The following ABTB2 variants were observed in gnomAD, a reference collection of about 807,000 sequenced individuals.
ABTB2 encodes the protein ankyrin repeat and BTB/POZ domain-containing protein 2.
A neutral mutation model predicts 104.1 loss-of-function variants in ABTB2; 56 were observed. The ratio of observed to expected loss-of-function variants is 0.54; its 90% CI spans 0.43 to 0.67. The LOEUF (loss-of-function observed/expected upper bound fraction) is 0.67. Among genes scored for constraint, ABTB2 ranks in the 30% least tolerant of loss-of-function variants. The pLI, the probability that ABTB2 is intolerant of heterozygous loss-of-function variation, is 0.00. For missense variants in ABTB2, 1,279 were observed against 1,407.7 expected, an observed-to-expected ratio of 0.91 and a Z score of 1.46; for synonymous variants, 606 against 608.2, an observed-to-expected ratio of 1.00 and a Z score of 0.05.
intron 1 of ABTB2, among the ~76,000 whole-genome samples, chr11:34,292,162 G>A (rs1229799617): frequency 6.6e-6 from 1 of 152,058 alleles, no homozygotes; most frequent in Non-Finnish European, 1.5e-5. Context: ...TAAGTCCCCT[G>A]GATCCAAGGC....
At chr11:34,211,902 CAAA>C (rs1231324201) in intron 1 of ABTB2, among the ~76,000 whole-genome samples, 9 of 58,030 alleles carry the variant, frequency 1.6e-4, no homozygotes, top group African/African-American at 1.9e-4. Flanking sequence ...GACCCTGTCT[CAAA>C]AAAAAAAAAA....
chr11:34,276,149 C>G (rs796405023), intron 1 of ABTB2, among the ~76,000 whole-genome samples: 1 of 150,930 alleles, frequency 6.6e-6, no homozygotes, highest in Non-Finnish European at 1.5e-5. Context: ...ATGATATGCT[C>G]AAATAGAAAA....
At chr11:34,189,642 G>A (rs1219820342) in intron 3 of ABTB2, among the ~76,000 whole-genome samples, 1 of 152,172 alleles carries the variant, frequency 6.6e-6, no homozygotes, top group African/African-American at 2.4e-5. Flanking sequence ...TTTTTAAAGT[G>A]TAGGTCCATT....
At chr11:34,354,340 A>G (rs7927418) in intron 1 of ABTB2, among the ~76,000 whole-genome samples, 20,767 of 151,880 alleles carry the variant, frequency 0.14, 2,455 homozygotes, top group East Asian at 0.36. Context: ...GTCGTGGCTG[A>G]GTGTGGTGGC....
intron 1 of ABTB2, among the ~76,000 whole-genome samples, chr11:34,345,063 G>C (rs377255909): frequency 7.9e-5 from 12 of 152,336 alleles, no homozygotes; most frequent in African/African-American, 2.6e-4. Context: ...ACAATAGAGA[G>C]AGTGACCTTG....
In ABTB2 at chr11:34,160,112, G is replaced by C. The variant is rs564882263; in HGVS notation, c.2504-104C>G. 14 of 1,260,998 alleles carry C rather than the reference G, an allele frequency of 1.1e-5. No individual in the cohort carries two copies. In the East Asian group the frequency reaches 3.3e-4, roughly 30 times the overall value. The allele number at this position is 1,260,998 out of a possible 1,614,324, so 78.1% of individuals were successfully genotyped here. ...TGTCTGGGGTTGGGGGTGGGACACA[G>C]AGGTGAGGAACAGAGAAACTGAGGC... On this transcript the variant is annotated intron_variant, in intron 12 of 16. Transcript: ENST00000435224.
At chr11:34,206,555 T>C (rs1853409905) in intron 1 of ABTB2, among the ~76,000 whole-genome samples, 1 of 152,216 alleles carries the variant, frequency 6.6e-6, no homozygotes, top group African/African-American at 2.4e-5. Flanking sequence ...AACTCCTCTG[T>C]GAGCTCAGAG....
intron 1 of ABTB2, among the ~76,000 whole-genome samples, chr11:34,317,401 G>A (rs767410579): frequency 3.3e-5 from 5 of 152,100 alleles, no homozygotes; most frequent in Admixed American, 3.3e-4. Flanking sequence ...CCTTGATTGC[G>A]CTCTGCCCAC....
intron 1 of ABTB2, among the ~76,000 whole-genome samples, chr11:34,321,467 A>G (rs1855000764): frequency 6.6e-6 from 1 of 152,264 alleles, no homozygotes; most frequent in Non-Finnish European, 1.5e-5. Flanking sequence ...CCTATTAGAG[A>G]CAATATTGCT....
At chr11:34,294,737 A>C (rs1482660401) in intron 1 of ABTB2, among the ~76,000 whole-genome samples, 1 of 149,384 alleles carries the variant, frequency 6.7e-6, no homozygotes, top group Non-Finnish European at 1.5e-5. Context: ...TTTTTTTGAG[A>C]CCGAGTCTCA....
intron 1 of ABTB2, among the ~76,000 whole-genome samples, chr11:34,279,697 G>A (rs889120007): frequency 6.6e-6 from 1 of 151,726 alleles, no homozygotes; most frequent in Non-Finnish European, 1.5e-5. Context: ...GACACATAAA[G>A]ATCTAAACTC....
chr11:34,219,668 A>G lies in ABTB2; in HGVS notation c.884-14978T>C, dbSNP rs764814471. Among the ~76,000 whole-genome samples the G allele has an allele frequency of 2.6e-5, 4 of 152,210 alleles. No individual in the cohort carries two copies. In the South Asian group the frequency reaches 6.2e-4, roughly 24 times the overall value. ...CAGAAATATGTACCATTGTGTTACA[A>G]TTGTCTACAGCATTCAGTACAGTAA... On this transcript the variant is annotated intron_variant, in intron 1 of 16. Coordinates refer to ENST00000435224, the MANE Select transcript of ABTB2 (RefSeq NM_145804.3).
chr11:34,261,496 T>C (rs1590233287), intron 1 of ABTB2, among the ~76,000 whole-genome samples: 1 of 69,118 alleles, frequency 1.4e-5, no homozygotes, highest in Admixed American at 1.1e-4. Flanking sequence ...AAAAAAGTAC[T>C]TTTTTTTTTT....
intron 1 of ABTB2, among the ~76,000 whole-genome samples, chr11:34,270,880 T>A (rs1400959523): frequency 6.6e-6 from 1 of 152,236 alleles, no homozygotes; most frequent in Non-Finnish European, 1.5e-5. Flanking sequence ...GGTTGAAAGA[T>A]GTCCCTAGGC....
At chr11:34,306,147 C>G (rs1455330053) in intron 1 of ABTB2, among the ~76,000 whole-genome samples, 1 of 151,200 alleles carries the variant, frequency 6.6e-6, no homozygotes. Flanking sequence ...TGACTCTAAA[C>G]TAATTTTCTC....
At chr11:34,305,855 T>C (rs1413084279) in intron 1 of ABTB2, among the ~76,000 whole-genome samples, 1 of 152,206 alleles carries the variant, frequency 6.6e-6, no homozygotes, top group Non-Finnish European at 1.5e-5. Flanking sequence ...TATTTCAACA[T>C]GTATCACCTA....
intron 1 of ABTB2, among the ~76,000 whole-genome samples, chr11:34,246,003 G>A (rs1404852978): frequency 6.6e-6 from 1 of 152,236 alleles, no homozygotes; most frequent in Non-Finnish European, 1.5e-5. Context: ...TGTCACTCAG[G>A]GACTGGCTTT....
At chr11:34,284,850 C>T (rs1396811748) in intron 1 of ABTB2, among the ~76,000 whole-genome samples, 1 of 152,228 alleles carries the variant, frequency 6.6e-6, no homozygotes, top group African/African-American at 2.4e-5. Context: ...CCACCTGATA[C>T]CGCCTGGAGC....
intron 7 of ABTB2, among the ~76,000 whole-genome samples, chr11:34,166,003 G>A (rs957192638): frequency 6.6e-6 from 1 of 152,238 alleles, no homozygotes; most frequent in African/African-American, 2.4e-5. Flanking sequence ...ACGGGGCAGG[G>A]TTAACAGATA....
Sources: gnomAD v4.1 joint callset for allele counts (sites outside exome capture counted in the v4.1 genomes callset) on GRCh38, gnomAD v4.1.1 for gene constraint, MANE v1.5 for transcripts, NCBI Gene and HGNC (gene_info 2026-07-23, HGNC 2026-07-21) for gene names.